Variants in LMBRD2 observed in about 807,000 individuals in gnomAD.
LMBRD2 encodes LMBR1 domain containing 2, also known as G protein-coupled receptor-associated protein LMBRD2.
A neutral mutation model predicts 94.4 loss-of-function variants in LMBRD2; 55 were observed. That is an observed-to-expected ratio of 0.58 (90% confidence interval 0.47 to 0.73). The LOEUF (loss-of-function observed/expected upper bound fraction) is 0.73, where lower values mean the gene tolerates loss of function less well. Among genes scored for constraint, LMBRD2 ranks in the 30% least tolerant of loss-of-function variants. LMBRD2 has a pLI of 0.00. For missense variants in LMBRD2, 640 were observed against 831.9 expected (o/e 0.77, Z 2.84); for synonymous variants, 246 against 272.4 (o/e 0.90, Z 0.95).
intron 6 of LMBRD2, among the ~76,000 whole-genome samples, chr5:36,133,906 AT>A (rs538170581): frequency 2.0e-5 from 3 of 151,892 alleles, no homozygotes; most frequent in African/African-American, 7.2e-5. Flanking sequence ...AGCTGGGTTT[AT>A]TTTTTTTGCA....
At chr5:36,116,638 C>A in intron 10 of LMBRD2, 45 bp from the exon 11 acceptor site, 1 of 1,576,660 alleles carries the variant, frequency 6.3e-7, no homozygotes. Context: ...AACAAACAGA[C>A]TTTAGCACTT....
At chr5:36,143,091 C>A (rs1579529114) in intron 2 of LMBRD2, 85 bp downstream of exon 2, 1 of 899,738 alleles carries the variant, frequency 1.1e-6, no homozygotes, top group Non-Finnish European at 1.7e-6. Flanking sequence ...CATAACTTAG[C>A]TGTCTTAAGA....
Position 36,142,760 on chromosome 5 carries a change from T to C in LMBRD2, c.175-161A>G, listed in dbSNP as rs867742179. ...TTTTGTGTGAGACAGAGTCTCACTC[T>C]GTCGCCCAGGCTGGAGTGCAGTGGC... is the stretch of plus-strand genomic sequence containing the variant. On this transcript the variant is annotated intron_variant, in intron 2 of 17. Coordinates refer to ENST00000296603, the MANE Select transcript of LMBRD2 (RefSeq NM_001007527.2). The C allele has an allele frequency of 1.1e-4, 52 of 468,220 alleles. 1 individual carries two copies. The Middle Eastern group carries it at 1.7e-3, about 16-fold the overall frequency. 29.0% of individuals were successfully genotyped at this position (468,220 alleles called of 1,614,324 possible). A position where few individuals can be genotyped will look rare whatever the true frequency, so the allele number is the denominator to read the frequency against.
chr5:36,140,421 T>C lies in LMBRD2; in HGVS notation c.368+686A>G, dbSNP rs116082772. 8.8e-4 allele frequency among the ~76,000 whole-genome samples: 134 copies of C among 152,294 alleles called. 2 individuals are homozygous for C. Among genetic ancestry groups the C allele is most frequent in the African/African-American group, 3.1e-3 (129 of 41,556 alleles). On this transcript the variant is annotated intron_variant, in intron 4 of 17. Coordinates refer to ENST00000296603, the MANE Select transcript of LMBRD2 (RefSeq NM_001007527.2). ...GTAAGCGGAATAAGCCCAGCGGGCC[T>C]GAGTAAAATTCAGGCAAAGGTGCTA...
chr5:36,117,314 C>T (rs1481559196), intron 10 of LMBRD2, among the ~76,000 whole-genome samples: 1 of 151,982 alleles, frequency 6.6e-6, no homozygotes, highest in East Asian at 1.9e-4. Context: ...CCTGACTCTA[C>T]AAAAAATACA....
At chr5:36,109,882 A>T (rs1743562852) in intron 15 of LMBRD2, 63 bp downstream of exon 15, 1 of 1,203,624 alleles carries the variant, frequency 8.3e-7, no homozygotes, top group Non-Finnish European at 1.2e-6. Context: ...CAAATTAGTA[A>T]GATTCTTAAG....
chr5:36,132,987 G>GC (rs1744188677), intron 6 of LMBRD2, among the ~76,000 whole-genome samples: 1 of 146,886 alleles, frequency 6.8e-6, no homozygotes, highest in Admixed American at 6.8e-5. Context: ...CAGTTTGGAG[G>GC]CCCCTCAAAA....
chr5:36,146,223 A>G (rs972356097), intron 1 of LMBRD2, among the ~76,000 whole-genome samples: 7 of 152,232 alleles, frequency 4.6e-5, no homozygotes, highest in Non-Finnish European at 1.0e-4. Flanking sequence ...ACTTTAAACA[A>G]CATCCATTTA....
At position 36,122,839 on chromosome 5, in the gene LMBRD2, CAA is replaced by C. The variant is rs749019094; in HGVS notation, c.936+7_936+8del. 6.3e-7 allele frequency: 1 copy of C among 1,588,096 alleles called. No homozygotes were observed. The highest frequency in any genetic ancestry group is 1.4e-5 in the African/African-American group (1 of 72,870). ...CATTAAGTAAAATACTTATAATTAA[CAA>C]AGTTACCTGTTTATGCAGTTTTACC... On this transcript the variant is annotated splice_region_variant and intron_variant, in intron 8 of 17. Coordinates refer to ENST00000296603, the MANE Select transcript of LMBRD2 (RefSeq NM_001007527.2).
At chr5:36,105,343 A>G in intron 16 of LMBRD2, 146 bp from the exon 17 acceptor site, 1 of 708,140 alleles carries the variant, frequency 1.4e-6, no homozygotes, top group Non-Finnish European at 2.3e-6. Flanking sequence ...TGGTTCCTTA[A>G]AATCAGATTA....
In LMBRD2 at chr5:36,117,693, A is replaced by G. The variant is rs764727680; in HGVS notation, c.1302+42T>C. 4 of 1,372,176 alleles carry G rather than the reference A, an allele frequency of 2.9e-6. No homozygotes were observed. In the East Asian group the frequency reaches 7.0e-5, roughly 24 times the overall value. The allele number at this position is 1,372,176 out of a possible 1,614,324, so 85.0% of individuals were successfully genotyped here. On this transcript the variant is annotated intron_variant, in intron 10 of 17. Coordinates refer to ENST00000296603, the MANE Select transcript of LMBRD2 (RefSeq NM_001007527.2). ...GGAGAAAATAGTTAAGGATTATACT[A>G]TGAAGTGACATCTATTTATGACAGA...
At position 36,100,075 on chromosome 5, in the gene LMBRD2, C is replaced by T. The variant is rs149431552; in HGVS notation, c.*3971G>A. 222 of 152,174 alleles carry T rather than the reference C, an allele frequency of 1.5e-3. 1 individual carries two copies. Among genetic ancestry groups the T allele is most frequent in the African/African-American group, 5.0e-3 (207 of 41,554 alleles). The allele number at this position is 152,174 out of a possible 1,614,324, so 9.4% of individuals were successfully genotyped here. On this transcript the variant is annotated 3_prime_UTR_variant, in exon 18 of 18. Transcript: ENST00000296603. ...AAAGTCACTGAGTTGGAAAGAAGTA[C>T]CTCATACAGATGGGAATTCATATTT... is the stretch of plus-strand genomic sequence containing the variant.
At chr5:36,146,708 G>A (rs1230643042) in intron 1 of LMBRD2, among the ~76,000 whole-genome samples, 2 of 152,080 alleles carry the variant, frequency 1.3e-5, no homozygotes, top group East Asian at 3.9e-4. Context: ...ATAGGACTGA[G>A]ATCCCTGTTC....
intron 6 of LMBRD2, among the ~76,000 whole-genome samples, chr5:36,133,513 T>C (rs535400393): frequency 1.3e-4 from 20 of 152,044 alleles, no homozygotes; most frequent in Non-Finnish European, 2.5e-4. Flanking sequence ...GTTTGTAACA[T>C]AAAGAAAAAT....
chr5:36,131,365 C>G (rs1744148615), intron 6 of LMBRD2, among the ~76,000 whole-genome samples: 2 of 151,968 alleles, frequency 1.3e-5, no homozygotes, highest in South Asian at 2.1e-4. Context: ...TATGACAGAC[C>G]CACAGCTAGT....
chr5:36,131,526 GGAAA>G (rs1744152668), intron 6 of LMBRD2, among the ~76,000 whole-genome samples: 1 of 151,886 alleles, frequency 6.6e-6, no homozygotes, highest in Non-Finnish European at 1.5e-5. Context: ...CATCAAAATT[GGAAA>G]GAAAGAAGTC....
Position 36,101,512 on chromosome 5 carries a change from C to T in LMBRD2, c.*2534G>A, listed in dbSNP as rs1743345561. ...AGTAGTCCTATTTTGCAGTAGATGT[C>T]ATTATATTTCAATAAGCTTCTCAAA... On this transcript the variant is annotated 3_prime_UTR_variant, in exon 18 of 18. Transcript: ENST00000296603. The T allele has an allele frequency of 2.0e-5, 3 of 151,854 alleles. No individual in the cohort carries two copies. The highest frequency in any genetic ancestry group is 4.4e-5 in the Non-Finnish European group (3 of 67,870). 9.4% of individuals were successfully genotyped at this position (151,854 alleles called of 1,614,324 possible). A position where few individuals can be genotyped will look rare whatever the true frequency, so the allele number is the denominator to read the frequency against.
In LMBRD2 at chr5:36,103,960, G is replaced by T; in HGVS notation, c.*86C>A. ...ATCTTGACACTTTTCACTGTGTATAGAGGAAATTCTAGGGTACACAGATGT... is the reference window on the plus strand; with the variant it reads ...ATCTTGACACTTTTCACTGTGTATATAGGAAATTCTAGGGTACACAGATGT... On this transcript the variant is annotated 3_prime_UTR_variant, in exon 18 of 18. Coordinates refer to ENST00000296603, the MANE Select transcript of LMBRD2 (RefSeq NM_001007527.2). 1.1e-6 allele frequency: 1 copy of T among 912,666 alleles called. No individual in the cohort carries two copies. Among genetic ancestry groups the T allele is most frequent in the Non-Finnish European group, 1.8e-6 (1 of 562,838 alleles). 56.5% of individuals were successfully genotyped at this position (912,666 alleles called of 1,614,324 possible). A position where few individuals can be genotyped will look rare whatever the true frequency, so the allele number is the denominator to read the frequency against.
At chr5:36,111,051 G>T in intron 14 of LMBRD2, 104 bp downstream of exon 14, 4 of 709,022 alleles carry the variant, frequency 5.6e-6, no homozygotes, top group South Asian at 2.1e-5. Context: ...TAATTTCTTA[G>T]AATAGATTAA....
Sources: allele counts gnomAD v4.1 joint callset (sites outside exome capture counted in the v4.1 genomes callset), GRCh38; gene constraint gnomAD v4.1.1; transcripts MANE v1.5; gene names NCBI Gene and HGNC (gene_info 2026-07-23, HGNC 2026-07-21).